MEGF6: variants seen among roughly 807,000 people sequenced by gnomAD.
MEGF6 encodes the protein multiple EGF like domains 6, also known as multiple epidermal growth factor-like domains protein 6.
A neutral mutation model predicts 207.1 loss-of-function variants in MEGF6; 184 were observed. The ratio of observed to expected loss-of-function variants is 0.89; its 90% CI spans 0.79 to 1.00. The LOEUF is 1.00. MEGF6 is among the 50% of genes least tolerant of loss of function. The pLI, the probability that MEGF6 is intolerant of heterozygous loss-of-function variation, is 0.00. For missense variants in MEGF6, 2,282 were observed against 2,202.9 expected (o/e 1.04, Z -0.72); for synonymous variants, 1,038 against 910.0 (o/e 1.14, Z -2.53).
intron 1 of MEGF6, among the ~76,000 whole-genome samples, chr1:3,610,473 C>CCCTCCTCCTCCT (rs879724888): frequency 6.2e-5 from 9 of 146,338 alleles, no homozygotes; most frequent in Non-Finnish European, 3.0e-5. Context: ...CCAGCGACTC[C>CCCTCCTCCTCCT]CCTCCTCCTC....
chr1:3,497,710 G>A, intron 26 of MEGF6: 1 of 451,876 alleles, frequency 2.2e-6, no homozygotes, highest in Non-Finnish European at 4.2e-6. Flanking sequence ...CAGCAGCCGG[G>A]GCTCAGCACT....
intron 3 of MEGF6, among the ~76,000 whole-genome samples, chr1:3,586,003 G>GT (rs1269415073): frequency 1.4e-5 from 2 of 143,192 alleles, no homozygotes; most frequent in Non-Finnish European, 3.0e-5. Context: ...GTGGGTGTGT[G>GT]GACACATGTC....
chr1:3,534,206 T>C (rs1178663009), intron 4 of MEGF6, among the ~76,000 whole-genome samples: 1 of 152,166 alleles, frequency 6.6e-6, no homozygotes, highest in Non-Finnish European at 1.5e-5. Context: ...CATGTCACCT[T>C]CTCAGTCAGT....
upstream of MEGF6, among the ~76,000 whole-genome samples, chr1:3,616,159 C>T (rs561049973): frequency 3.9e-4 from 60 of 152,262 alleles, 1 homozygote; most frequent in African/African-American, 1.4e-3. Flanking sequence ...CGCGGGCTGG[C>T]GGTTGCACGC....
intron 3 of MEGF6, 76 bp downstream of exon 3, chr1:3,595,262 G>A (rs763219926): frequency 4.2e-5 from 43 of 1,024,848 alleles, no homozygotes; most frequent in Middle Eastern, 2.7e-4. Flanking sequence ...CACCAGGCCC[G>A]GGGCAGATTC....
At chr1:3,602,695 G>A in intron 1 of MEGF6, 95 bp from the exon 2 acceptor site, 1 of 1,494,214 alleles carries the variant, frequency 6.7e-7, no homozygotes, top group South Asian at 1.3e-5. Flanking sequence ...CAGCTCATCT[G>A]GAGTGAGGTC....
intron 5 of MEGF6, among the ~76,000 whole-genome samples, chr1:3,523,504 C>T (rs1415966447): frequency 6.6e-6 from 1 of 152,156 alleles, no homozygotes; most frequent in African/African-American, 2.4e-5. Context: ...CAAGAGACCC[C>T]GCAGAGGAAG....
intron 4 of MEGF6, among the ~76,000 whole-genome samples, chr1:3,530,800 CACAG>C (rs1642128638): frequency 1.3e-5 from 2 of 152,210 alleles, no homozygotes; most frequent in South Asian, 2.1e-4. Context: ...ACCCTGCTCC[CACAG>C]ACAAAGTCAG....
chr1:3,588,805 C>G (rs965129683), intron 3 of MEGF6, among the ~76,000 whole-genome samples: 3 of 152,080 alleles, frequency 2.0e-5, no homozygotes. Context: ...TCCTGACCCC[C>G]TGAACTGAGT....
At chr1:3,522,205 C>CAGA (rs1014177712) in intron 5 of MEGF6, among the ~76,000 whole-genome samples, 2 of 152,194 alleles carry the variant, frequency 1.3e-5, no homozygotes, top group African/African-American at 4.8e-5. Context: ...CTGCATCCAG[C>CAGA]AGACCCCTGA....
At chr1:3,500,481 G>T in intron 21 of MEGF6, 152 bp downstream of exon 21, 1 of 1,154,948 alleles carries the variant, frequency 8.7e-7, no homozygotes, top group Non-Finnish European at 1.2e-6. Context: ...TTTGGTGGGT[G>T]TGTGCGCGCA....
chr1:3,501,766 G>A (rs1291728082), intron 18 of MEGF6, 30 bp downstream of exon 18: 2 of 1,606,738 alleles, frequency 1.2e-6, no homozygotes, highest in South Asian at 1.1e-5. Context: ...AGCCTGGGGA[G>A]GCGGAACTGG....
At chr1:3,614,382 A>G (rs563648448), upstream of MEGF6, among the ~76,000 whole-genome samples, 2 of 152,342 alleles carry the variant, frequency 1.3e-5, no homozygotes, top group South Asian at 4.1e-4. Context: ...GATACATGAA[A>G]AAAGGCATCA....
In MEGF6 at chr1:3,514,692, G is replaced by T; in HGVS notation, c.731-20C>A. The T allele has an allele frequency of 6.4e-7, 1 of 1,558,802 alleles. No individual in the cohort carries two copies. Among genetic ancestry groups the T allele is most frequent in the Non-Finnish European group, 8.7e-7 (1 of 1,154,420 alleles). ...TTCTACCTGCAGCCACGGGCCCGAGGAGGGGGTTGGGGAGAGGGGACCCCA... is the reference window on the plus strand; with the variant it reads ...TTCTACCTGCAGCCACGGGCCCGAGTAGGGGGTTGGGGAGAGGGGACCCCA... On this transcript the variant is annotated intron_variant, in intron 6 of 36. Transcript: ENST00000356575.
At position 3,506,189 on chromosome 1, in the gene MEGF6, A is replaced by G; in HGVS notation, c.1837T>C (p.Cys613Arg). 6.2e-7 allele frequency: 1 copy of G among 1,603,614 alleles called. No homozygotes were observed. Among genetic ancestry groups the G allele is most frequent in the Non-Finnish European group, 8.5e-7 (1 of 1,174,990 alleles). The change falls in exon 15 of 37, where the codon TGT becomes CGT. Residue 613 changes from cysteine (C) to arginine (R), a missense_variant. By Grantham distance (180) the Cys-to-Arg change is radical. Coordinates refer to ENST00000356575, the MANE Select transcript of MEGF6 (RefSeq NM_001409.4). ...YGKHCRKKCNCANRGRCHRLY... is the reference protein window; with the variant it reads ...YGKHCRKKCNRANRGRCHRLY... ...CGGTGGCACCGGCCCCGGTTGGCACAGTTGCATTTCTTGCGACAGTGCTTG... is the reference window on the plus strand; with the variant it reads ...CGGTGGCACCGGCCCCGGTTGGCACGGTTGCATTTCTTGCGACAGTGCTTG...
chr1:3,496,344 G>A (rs74050556), intron 29 of MEGF6, among the ~76,000 whole-genome samples: 18,198 of 152,296 alleles, frequency 0.12, 2,547 homozygotes, highest in African/African-American at 0.34. Context: ...CTTGGCCACA[G>A]TTGAGCTGCC....
At chr1:3,615,194 G>A (rs1002569501), upstream of MEGF6, among the ~76,000 whole-genome samples, 2 of 152,186 alleles carry the variant, frequency 1.3e-5, no homozygotes, top group Non-Finnish European at 2.9e-5. Context: ...TGTATGCATG[G>A]AGAAAAAAGG....
chr1:3,555,565 C>T (rs1356559420), intron 4 of MEGF6, among the ~76,000 whole-genome samples: 1 of 152,212 alleles, frequency 6.6e-6, no homozygotes, highest in East Asian at 1.9e-4. Flanking sequence ...TGGCCTGCGG[C>T]CCCCATCCTC....
Position 3,498,513 on chromosome 1 carries a change from G to A in MEGF6, c.3224-14C>T. 5 of 1,560,416 alleles carry A rather than the reference G, an allele frequency of 3.2e-6. No homozygotes were observed. Among genetic ancestry groups the A allele is most frequent in the Non-Finnish European group, 4.3e-6 (5 of 1,153,016 alleles). On this transcript the variant is annotated splice_polypyrimidine_tract_variant and intron_variant, in intron 25 of 36. Transcript: ENST00000356575. ...GGGGGAGGCACTCTACAGGAGCAGAGGCAGGCACGAGGGTGAGGGTCCTGC... is the reference window on the plus strand; with the variant it reads ...GGGGGAGGCACTCTACAGGAGCAGAAGCAGGCACGAGGGTGAGGGTCCTGC...
Sources: gnomAD v4.1 joint callset for allele counts (sites outside exome capture counted in the v4.1 genomes callset) on GRCh38, gnomAD v4.1.1 for gene constraint, MANE v1.5 for transcripts, NCBI Gene and HGNC (gene_info 2026-07-23, HGNC 2026-07-21) for gene names.